The following ARHGAP22 variants were observed in gnomAD, a reference collection of about 807,000 sequenced individuals.
ARHGAP22 encodes the protein rho GTPase-activating protein 22.
ARHGAP22 carries 48 observed loss-of-function variants against 59.1 expected under a neutral mutation model. The ratio of observed to expected loss-of-function variants is 0.81; its 90% CI spans 0.64 to 1.03. The LOEUF (loss-of-function observed/expected upper bound fraction) is 1.03. Ranked by LOEUF, ARHGAP22 falls within the 50% of genes least tolerant of loss-of-function variation. The pLI is 0.00. For synonymous variants in ARHGAP22, 445 were observed against 416.4 expected (o/e 1.07, Z -0.84); for missense variants, 1,015 against 958.7 (o/e 1.06, Z -0.78).
At chr10:48,456,486 T>G (rs1245229737) in intron 5 of ARHGAP22, among the ~76,000 whole-genome samples, 1 of 152,160 alleles carries the variant, frequency 6.6e-6, no homozygotes, top group Non-Finnish European at 1.5e-5. Context: ...GCCATGTTCC[T>G]GGCCAACTGC....
intron 3 of ARHGAP22, among the ~76,000 whole-genome samples, chr10:48,505,067 T>A (rs1452629030): frequency 1.3e-5 from 2 of 152,130 alleles, no homozygotes; most frequent in Non-Finnish European, 2.9e-5. Context: ...TTACTATTAT[T>A]TTTTAAGACA....
intron 3 of ARHGAP22, among the ~76,000 whole-genome samples, chr10:48,527,493 T>TTGAA (rs1554892661): frequency 6.6e-6 from 1 of 151,114 alleles, no homozygotes; most frequent in Non-Finnish European, 1.5e-5. Flanking sequence ...GGATGGTTGG[T>TTGAA]TGGATGGAGG....
the ARHGAP22 span, chr10:48,435,048 GGT>G: frequency 6.7e-7 from 1 of 1,502,208 alleles, no homozygotes; most frequent in Non-Finnish European, 9.0e-7. Context: ...GCCATCGGGG[GGT>G]GGGAGGGATG....
chr10:48,530,260 A>AAAAAAAAC (rs2054707723), intron 3 of ARHGAP22, among the ~76,000 whole-genome samples: 1 of 149,886 alleles, frequency 6.7e-6, no homozygotes, highest in Non-Finnish European at 1.5e-5. Context: ...AAAAAAAAAA[A>AAAAAAAAC]ATCAACTCAA....
Position 48,523,988 on chromosome 10 carries a change from A to G in ARHGAP22, c.322+31475T>C, listed in dbSNP as rs1039929610. ...CTGGACACCCCGTGGCGAGTCCCCG[A>G]GGCGGGGCTGGCAGCCTCTGGCGGC... On this transcript the variant is annotated intron_variant, in intron 3 of 9. Coordinates refer to ENST00000249601, the MANE Select transcript of ARHGAP22 (RefSeq NM_021226.4). 4 of 1,404,954 alleles carry G rather than the reference A, an allele frequency of 2.8e-6. No homozygotes were observed. The African/African-American group carries it at 6.0e-5, about 21-fold the overall frequency. The allele number at this position is 1,404,954 out of a possible 1,614,324, so 87.0% of individuals were successfully genotyped here.
chr10:48,511,032 G>A (rs1564794992), intron 3 of ARHGAP22: 1 of 152,332 alleles, frequency 6.6e-6, no homozygotes, highest in East Asian at 1.9e-4. Flanking sequence ...GCTCTTCACT[G>A]GAATAGACCT....
intron 3 of ARHGAP22, among the ~76,000 whole-genome samples, chr10:48,548,535 C>T (rs2056647737): frequency 6.6e-6 from 1 of 152,222 alleles, no homozygotes; most frequent in African/African-American, 2.4e-5. Context: ...ATTCATCTCA[C>T]CAAACATGGC....
intron 3 of ARHGAP22, among the ~76,000 whole-genome samples, chr10:48,540,372 C>T (rs1282215010): frequency 1.3e-5 from 2 of 152,192 alleles, no homozygotes; most frequent in East Asian, 3.9e-4. Flanking sequence ...GCTGGGATTA[C>T]AGGCATGCGC....
rs139941175 is a variant in ARHGAP22 at position 48,476,118 on chromosome 10, G to C, written c.451+3518C>G. Among the ~76,000 whole-genome samples, 571 of 152,284 alleles carry C rather than the reference G, an allele frequency of 3.7e-3. 7 individuals carry two copies. The highest frequency in any genetic ancestry group is 6.6e-3 in the Non-Finnish European group (448 of 68,036). On this transcript the variant is annotated intron_variant, in intron 4 of 9. Coordinates refer to ENST00000249601, the MANE Select transcript of ARHGAP22 (RefSeq NM_021226.4). ...AGCTGGTCACCCGCCTCCTCTACTA[G>C]CACGTGAGAACCATGAGGCCAGTGC...
At chr10:48,648,778 G>C (rs567110030) in intron 1 of ARHGAP22, among the ~76,000 whole-genome samples, 1 of 152,172 alleles carries the variant, frequency 6.6e-6, no homozygotes, top group Non-Finnish European at 1.5e-5. Context: ...GCAGCGGGGT[G>C]GGGGAGCGTG....
chr10:48,495,970 A>G (rs2050882489), intron 3 of ARHGAP22, among the ~76,000 whole-genome samples: 1 of 152,112 alleles, frequency 6.6e-6, no homozygotes, highest in African/African-American at 2.4e-5. Flanking sequence ...TAGCCGTGTG[A>G]TTCAGCTTGA....
intron 1 of ARHGAP22, among the ~76,000 whole-genome samples, chr10:48,584,388 T>C (rs1283218220): frequency 6.6e-6 from 1 of 152,202 alleles, no homozygotes; most frequent in Non-Finnish European, 1.5e-5. Context: ...AGCTCCTATA[T>C]ATCCTTCAAG....
intron 1 of ARHGAP22, among the ~76,000 whole-genome samples, chr10:48,634,152 G>A (rs776434032): frequency 7.2e-4 from 109 of 152,152 alleles, no homozygotes; most frequent in Middle Eastern, 3.2e-3. Flanking sequence ...TTTGGGTGGC[G>A]GATTTGATGG....
chr10:48,461,363 CCCAG>C (rs1372346742), intron 4 of ARHGAP22, among the ~76,000 whole-genome samples: 13 of 152,186 alleles, frequency 8.5e-5, no homozygotes, highest in Non-Finnish European at 1.0e-4. Flanking sequence ...GTGTCTCTCC[CCCAG>C]CACTGCTTAC....
intron 1 of ARHGAP22, among the ~76,000 whole-genome samples, chr10:48,635,222 A>C (rs1413972640): frequency 6.6e-6 from 1 of 150,614 alleles, no homozygotes; most frequent in Non-Finnish European, 1.5e-5. Context: ...TGTTGCCCCC[A>C]CCCCCACTTC....
At chr10:48,626,921 C>T (rs977693539) in intron 1 of ARHGAP22, among the ~76,000 whole-genome samples, 2 of 152,210 alleles carry the variant, frequency 1.3e-5, no homozygotes, top group African/African-American at 4.8e-5. Flanking sequence ...TTACAAGTTT[C>T]AGCCCTATCC....
chr10:48,645,886 G>T (rs2062273714), intron 1 of ARHGAP22, among the ~76,000 whole-genome samples: 1 of 152,140 alleles, frequency 6.6e-6, no homozygotes, highest in Non-Finnish European at 1.5e-5. Context: ...TTTAAAGCCA[G>T]ATTGGAAAGG....
upstream of ARHGAP22, among the ~76,000 whole-genome samples, chr10:48,654,957 CTCCTTCCT>C (rs145407409): frequency 2.9e-5 from 3 of 103,786 alleles, no homozygotes; most frequent in East Asian, 5.5e-4. Context: ...TTCTCTCTTT[CTCCTTCCT>C]TCCTTCCTTC....
At chr10:48,651,535 G>T (rs369997012) in intron 1 of ARHGAP22, among the ~76,000 whole-genome samples, 1 of 150,198 alleles carries the variant, frequency 6.7e-6, no homozygotes, top group Non-Finnish European at 1.5e-5. Context: ...CACCTGCATA[G>T]TCTACCCAGC....
Sources: allele counts gnomAD v4.1 joint callset (sites outside exome capture counted in the v4.1 genomes callset), GRCh38; gene constraint gnomAD v4.1.1; transcripts MANE v1.5; gene names NCBI Gene and HGNC (gene_info 2026-07-23, HGNC 2026-07-21).